The following OCA2 variants were observed in gnomAD, a reference collection of about 807,000 sequenced individuals.
The protein encoded by OCA2 is P protein.
Under a neutral mutation model 100.2 loss-of-function variants are expected in OCA2, and 77 were observed. The ratio of observed to expected loss-of-function variants is 0.77; its 90% CI spans 0.64 to 0.93. The LOEUF (loss-of-function observed/expected upper bound fraction) is 0.93, where lower values mean the gene tolerates loss of function less well. Ranked by LOEUF, OCA2 falls within the 40% of genes least tolerant of loss-of-function variation. OCA2 has a pLI of 0.00. For missense variants in OCA2, 1,062 were observed against 1,089.1 expected, an observed-to-expected ratio of 0.98 and a Z score of 0.35; for synonymous variants, 432 against 439.2, an observed-to-expected ratio of 0.98 and a Z score of 0.21.
chr15:28,029,437 CAG>C (rs1216578584), intron 3 of OCA2, among the ~76,000 whole-genome samples: 3 of 152,072 alleles, frequency 2.0e-5, no homozygotes, highest in Non-Finnish European at 4.4e-5. Flanking sequence ...TATAAGAAGA[CAG>C]AGGGAAGCAA....
chr15:27,891,291 A>G (rs2037450297), intron 19 of OCA2, among the ~76,000 whole-genome samples: 1 of 152,240 alleles, frequency 6.6e-6, no homozygotes, highest in South Asian at 2.1e-4. Flanking sequence ...CCAAAACTAT[A>G]CAAAGAGAAA....
chr15:27,797,676 G>C (rs972458985), intron 23 of OCA2, among the ~76,000 whole-genome samples: 1 of 152,212 alleles, frequency 6.6e-6, no homozygotes, highest in African/African-American at 2.4e-5. Context: ...TGGACAGGTA[G>C]TGTTTAGAAT....
At chr15:27,771,880 A>G (rs965838816) in intron 23 of OCA2, among the ~76,000 whole-genome samples, 1 of 152,194 alleles carries the variant, frequency 6.6e-6, no homozygotes, top group African/African-American at 2.4e-5. Flanking sequence ...CAGTTCTGCC[A>G]TTTTTAGTCT....
chr15:28,045,608 G>A (rs1478216957), intron 2 of OCA2, among the ~76,000 whole-genome samples: 1 of 152,112 alleles, frequency 6.6e-6, no homozygotes, highest in African/African-American at 2.4e-5. Flanking sequence ...CTACCTGGCT[G>A]GACCTCACAC....
rs563769592 is a variant in OCA2, at chr15:27,846,591, G to A, written c.2339-1539C>T. 2.6e-3 allele frequency among the ~76,000 whole-genome samples: 399 copies of A among 152,298 alleles called. 2 individuals are homozygous for A. Among genetic ancestry groups the A allele is most frequent in the African/African-American group, 9.3e-3 (386 of 41,556 alleles). Reference sequence around the variant, plus strand: ...TCCAATTAAAATGATAGTTTTGCAGGCAGGTCCTGCCCAGGTGGAGAGCAT... The same window carrying A: ...TCCAATTAAAATGATAGTTTTGCAGACAGGTCCTGCCCAGGTGGAGAGCAT... On this transcript the variant is annotated intron_variant, in intron 22 of 23. Transcript: ENST00000354638.
chr15:27,887,098 C>T, intron 19 of OCA2, among the ~76,000 whole-genome samples: 1 of 152,298 alleles, frequency 6.6e-6, no homozygotes, highest in South Asian at 2.1e-4. Context: ...TCTCTGCCTG[C>T]CGCCATCCAT....
intron 23 of OCA2, among the ~76,000 whole-genome samples, chr15:27,825,811 C>T (rs1464413593): frequency 6.6e-6 from 1 of 152,354 alleles, no homozygotes; most frequent in East Asian, 1.9e-4. Context: ...GCCCAGCCCA[C>T]TATGCCCCAG....
At position 28,084,366 on chromosome 15, in the gene OCA2, C is replaced by G. The variant is rs562665850; in HGVS notation, c.-21-2471G>C. 6.4e-4 allele frequency among the ~76,000 whole-genome samples: 97 copies of G among 152,356 alleles called. 1 individual carries two copies. In the South Asian group the frequency reaches 0.011, roughly 18 times the overall value. On this transcript the variant is annotated intron_variant, in intron 1 of 23. Coordinates refer to ENST00000354638, the MANE Select transcript of OCA2 (RefSeq NM_000275.3). ...AGTGCAACAAATGTCCATTCTCTTT[C>G]AGGCCATGTCCCTTCTCCAAGACCT...
intron 18 of OCA2, among the ~76,000 whole-genome samples, chr15:27,930,693 C>T (rs2039218078): frequency 7.7e-6 from 1 of 130,028 alleles, no homozygotes; most frequent in Non-Finnish European, 1.7e-5. Flanking sequence ...CAGAGACTGC[C>T]TGAGGATGGA....
At chr15:28,048,158 TAAG>T (rs1165343532) in intron 2 of OCA2, among the ~76,000 whole-genome samples, 1 of 152,224 alleles carries the variant, frequency 6.6e-6, no homozygotes, top group Non-Finnish European at 1.5e-5. Flanking sequence ...TGTTCATGGA[TAAG>T]AAGACTTAAT....
At chr15:27,814,945 T>TAGCTGGCTAGCTAGCTAGAG (rs71132822) in intron 23 of OCA2, among the ~76,000 whole-genome samples, 4 of 107,428 alleles carry the variant, frequency 3.7e-5, no homozygotes, top group African/African-American at 1.4e-4. Flanking sequence ...GATAGATAGA[T>TAGCTGGCTAGCTAGCTAGAG]ACAGAGATAT....
intron 1 of OCA2, among the ~76,000 whole-genome samples, chr15:28,095,709 C>T (rs531003124): frequency 5.6e-5 from 8 of 143,614 alleles, no homozygotes; most frequent in Non-Finnish European, 1.0e-4. Flanking sequence ...AAGAACGAAA[C>T]TGTCTCAAAA....
At chr15:28,022,595 AATGACAGAGGTGTGGT>A (rs1174248561) in intron 5 of OCA2, 22 bp from the exon 6 acceptor site, 3 of 1,583,536 alleles carry the variant, frequency 1.9e-6, no homozygotes, top group African/African-American at 2.7e-5. Flanking sequence ...AGAAACGTTG[AATGACAGAGGTGTGGT>A]ATGAGAGCAG....
At chr15:27,967,380 T>C (rs1371827015) in intron 14 of OCA2, among the ~76,000 whole-genome samples, 5 of 152,154 alleles carry the variant, frequency 3.3e-5, no homozygotes, top group African/African-American at 7.2e-5. Flanking sequence ...CTTACACAAA[T>C]GACAAGCCAT....
chr15:27,792,079 T>C (rs921288597), intron 23 of OCA2, among the ~76,000 whole-genome samples: 3 of 152,222 alleles, frequency 2.0e-5, no homozygotes, highest in African/African-American at 7.2e-5. Context: ...GTTCATGCAT[T>C]TCCTCACCAT....
intron 19 of OCA2, among the ~76,000 whole-genome samples, chr15:27,897,456 C>T (rs1212519308): frequency 3.3e-5 from 5 of 152,194 alleles, no homozygotes; most frequent in African/African-American, 4.8e-5. Flanking sequence ...CAAGGCAGAG[C>T]TCGGGCTGTT....
At chr15:28,085,008 G>A (rs1169773437) in intron 1 of OCA2, among the ~76,000 whole-genome samples, 1 of 152,200 alleles carries the variant, frequency 6.6e-6, no homozygotes, top group African/African-American at 2.4e-5. Flanking sequence ...TCAAAGGGAG[G>A]GGACTAAACC....
At chr15:28,040,686 A>G (rs1327825069) in intron 2 of OCA2, among the ~76,000 whole-genome samples, 2 of 152,206 alleles carry the variant, frequency 1.3e-5, no homozygotes, top group African/African-American at 4.8e-5. Context: ...AAAAAGTATT[A>G]TAAGAAAATA....
chr15:27,934,202 A>G (rs1396284730), intron 18 of OCA2, among the ~76,000 whole-genome samples: 1 of 140,044 alleles, frequency 7.1e-6, no homozygotes, highest in Non-Finnish European at 1.6e-5. Flanking sequence ...GGACATTGTC[A>G]TTTAGCATGT....
Sources: allele counts gnomAD v4.1 joint callset (sites outside exome capture counted in the v4.1 genomes callset), GRCh38; gene constraint gnomAD v4.1.1; transcripts MANE v1.5; gene names NCBI Gene and HGNC (gene_info 2026-07-23, HGNC 2026-07-21).